The following ARID4A variants were observed in gnomAD, a reference collection of about 807,000 sequenced individuals.
ARID4A encodes AT-rich interactive domain-containing protein 4A.
Under a neutral mutation model 148.6 loss-of-function variants are expected in ARID4A, and 39 were observed. The observed-to-expected ratio is 0.26, with a 90% CI of 0.20 to 0.34. The LOEUF (loss-of-function observed/expected upper bound fraction) is 0.34, where lower values mean the gene tolerates loss of function less well. ARID4A is among the 10% of genes least tolerant of loss of function. The pLI is 1.00. For synonymous variants in ARID4A, 475 were observed against 481.2 expected (o/e 0.99, Z 0.17); for missense variants, 1,265 against 1,449.1 (o/e 0.87, Z 2.06).
At position 58,366,821 on chromosome 14, in the gene ARID4A, TGTC is replaced by T. The variant is rs1367793356; in HGVS notation, c.3524-61_3524-59del. 8 of 1,282,000 alleles carry T rather than the reference TGTC, an allele frequency of 6.2e-6. No individual in the cohort carries two copies. In the African/African-American group the frequency reaches 1.1e-4, roughly 18 times the overall value. The allele number at this position is 1,282,000 out of a possible 1,614,324, so 79.4% of individuals were successfully genotyped here. A position where few individuals can be genotyped will look rare whatever the true frequency, so the allele number is the denominator to read the frequency against. ...TTATGAGTTAGACGTTTGATAGAAT[TGTC>T]ATCATTTTTCTCACAGAATTATTTT... On this transcript the variant is annotated intron_variant, in intron 22 of 23. Coordinates refer to ENST00000355431, the MANE Select transcript of ARID4A (RefSeq NM_002892.4).
chr14:58,346,317 G>T, intron 12 of ARID4A, 94 bp from the exon 13 acceptor site: 1 of 792,618 alleles, frequency 1.3e-6, no homozygotes, highest in Non-Finnish European at 2.0e-6. Context: ...TCTAATTAAT[G>T]AAATTGGGGA....
At chr14:58,346,554 TAA>T in intron 13 of ARID4A, 49 bp downstream of exon 13, 1 of 1,247,228 alleles carries the variant, frequency 8.0e-7, no homozygotes, top group South Asian at 1.3e-5. Context: ...GGTAAAAAGT[TAA>T]GTTATCTTAT....
chr14:58,329,454 G>A, intron 9 of ARID4A, 74 bp from the exon 10 acceptor site: 1 of 971,376 alleles, frequency 1.0e-6, no homozygotes, highest in Non-Finnish European at 1.6e-6. Context: ...ATTTTTCTAT[G>A]TGTTAACATG....
At chr14:58,304,035 G>A (rs182922770) in intron 3 of ARID4A, among the ~76,000 whole-genome samples, 14 of 151,914 alleles carry the variant, frequency 9.2e-5, no homozygotes, top group Admixed American at 3.9e-4. Context: ...TGCTTGAGCT[G>A]GGGAAGCGAA....
rs1178097383 is a variant in ARID4A at position 58,373,496 on chromosome 14, AAGTC to A, written c.*1510_*1513del. 1 of 179,300 alleles carries A rather than the reference AAGTC, an allele frequency of 5.6e-6. No homozygotes were observed. Among genetic ancestry groups the A allele is most frequent in the African/African-American group, 2.4e-5 (1 of 42,352 alleles). The allele number at this position is 179,300 out of a possible 1,614,324, so 11.1% of individuals were successfully genotyped here. On this transcript the variant is annotated 3_prime_UTR_variant, in exon 24 of 24. Coordinates refer to ENST00000355431, the MANE Select transcript of ARID4A (RefSeq NM_002892.4). ...ATATCAGGATCTGATTTACAAGAAA[AAGTC>A]AGAGCTAAACACTAGTGATGGCATA...
intron 15 of ARID4A, 144 bp from the exon 16 acceptor site, chr14:58,350,929 A>G: frequency 1.5e-6 from 1 of 647,062 alleles, no homozygotes; most frequent in South Asian, 3.1e-5. Context: ...TTCAAAAGGA[A>G]GAGAAAGGTA....
chr14:58,346,366 C>G, intron 12 of ARID4A, 45 bp from the exon 13 acceptor site: 1 of 1,375,266 alleles, frequency 7.3e-7, no homozygotes, highest in Middle Eastern at 1.9e-4. Flanking sequence ...ATTAGTATTT[C>G]TCATTTGAAT....
intron 7 of ARID4A, among the ~76,000 whole-genome samples, chr14:58,322,672 G>T (rs1329366110): frequency 6.6e-6 from 1 of 151,914 alleles, no homozygotes; most frequent in Admixed American, 6.6e-5. Context: ...TCTTAAAAAT[G>T]TAGGCTTGGC....
rs370047779 is a variant in ARID4A at position 58,344,500 on chromosome 14, A to C, written c.907-195A>C. Among the ~76,000 whole-genome samples, 4 of 152,336 alleles carry C rather than the reference A, an allele frequency of 2.6e-5. 1 individual carries two copies. On this transcript the variant is annotated intron_variant, in intron 11 of 23. Coordinates refer to ENST00000355431, the MANE Select transcript of ARID4A (RefSeq NM_002892.4). ...TACTGAAAAGTAGAGTTAGAGTGGTAAATGGAGTGAAGGGTAGACATTGTA... is the reference window on the plus strand; with the variant it reads ...TACTGAAAAGTAGAGTTAGAGTGGTCAATGGAGTGAAGGGTAGACATTGTA...
At chr14:58,320,520 A>G (rs1338476598) in intron 7 of ARID4A, among the ~76,000 whole-genome samples, 2 of 151,694 alleles carry the variant, frequency 1.3e-5, no homozygotes, top group Admixed American at 1.3e-4. Context: ...AGGATCATGC[A>G]TTGCATATAG....
chr14:58,308,464 T>C (rs1223157940), intron 5 of ARID4A, among the ~76,000 whole-genome samples: 1 of 152,244 alleles, frequency 6.6e-6, no homozygotes, highest in Non-Finnish European at 1.5e-5. Context: ...GGAGAAAAAT[T>C]CAAAATATTA....
chr14:58,359,360 C>G, intron 18 of ARID4A, 144 bp downstream of exon 18: 1 of 675,740 alleles, frequency 1.5e-6, no homozygotes, highest in Non-Finnish European at 2.4e-6. Context: ...ACTCTCTGCC[C>G]CATGCATGCA....
At chr14:58,307,000 G>A (rs911693403) in intron 5 of ARID4A, among the ~76,000 whole-genome samples, 3 of 152,210 alleles carry the variant, frequency 2.0e-5, no homozygotes, top group African/African-American at 7.2e-5. Flanking sequence ...TTAATAGTGA[G>A]AAGCAACAAG....
At chr14:58,318,884 A>G (rs185137608) in intron 7 of ARID4A, 79 bp downstream of exon 7, 76 of 1,193,292 alleles carry the variant, frequency 6.4e-5, no homozygotes, top group Admixed American at 5.1e-4. Context: ...GGATGGCTAA[A>G]TTCATTTGGG....
rs755745342 is a variant in ARID4A at position 58,365,207 on chromosome 14, C to G, written c.3118C>G (p.Leu1040Val). The change falls in exon 20 of 24, where the codon CTC becomes GTC. Residue 1040 changes from leucine to valine, a missense_variant. This residue lies in a region of ARID4A where 666 missense variants were observed against 730.9 expected (regional missense o/e 0.91). Coordinates refer to ENST00000355431, the MANE Select transcript of ARID4A (RefSeq NM_002892.4). ...DSIAEESQEG[L>V]CERESANGFE... ...TATTGCTGAAGAATCTCAAGAAGGT[C>G]TCTGTGAGAGGGAATCGGCAAATGG... 1 of 1,614,028 alleles carries G rather than the reference C, an allele frequency of 6.2e-7. No individual in the cohort carries two copies. The highest frequency in any genetic ancestry group is 2.2e-5 in the East Asian group (1 of 44,876).
At chr14:58,322,814 T>C (rs942727470) in intron 7 of ARID4A, among the ~76,000 whole-genome samples, 6 of 151,208 alleles carry the variant, frequency 4.0e-5, no homozygotes, top group African/African-American at 1.5e-4. Flanking sequence ...ATACAAAAAT[T>C]AGCTAGGTGT....
intron 11 of ARID4A, among the ~76,000 whole-genome samples, chr14:58,334,954 C>T (rs1249598792): frequency 6.6e-6 from 1 of 152,142 alleles, no homozygotes; most frequent in South Asian, 2.1e-4. Flanking sequence ...CCTTCTTCAT[C>T]GTCATGGCCA....
At chr14:58,360,532 C>T (rs1053340341) in intron 18 of ARID4A, among the ~76,000 whole-genome samples, 1 of 152,138 alleles carries the variant, frequency 6.6e-6, no homozygotes, top group Non-Finnish European at 1.5e-5. Context: ...TCTTTCCTTT[C>T]TGCAGGGGAT....
chr14:58,325,368 A>G (rs1309570262), intron 8 of ARID4A, among the ~76,000 whole-genome samples: 1 of 151,948 alleles, frequency 6.6e-6, no homozygotes, highest in Non-Finnish European at 1.5e-5. Context: ...TGCAGCCTTA[A>G]CCTCCCTGGG....
Sources: allele counts gnomAD v4.1 joint callset (sites outside exome capture counted in the v4.1 genomes callset), GRCh38; gene constraint gnomAD v4.1.1; regional missense constraint gnomAD v4.1.1; transcripts MANE v1.5; gene names NCBI Gene and HGNC (gene_info 2026-07-23, HGNC 2026-07-21).